GRAP2: variants seen among roughly 807,000 people sequenced by gnomAD.
The protein encoded by GRAP2 is GRB2 related adaptor protein 2.
In GRAP2, 31 loss-of-function variants were observed where a neutral mutation model predicts 43.5. The ratio of observed to expected loss-of-function variants is 0.71; its 90% CI spans 0.54 to 0.96. The LOEUF (loss-of-function observed/expected upper bound fraction) is 0.96, where lower values mean the gene tolerates loss of function less well. GRAP2 is among the 40% of genes least tolerant of loss of function. The pLI is 0.00. For synonymous variants in GRAP2, 156 were observed against 164.8 expected, an observed-to-expected ratio of 0.95 and a Z score of 0.41; for missense variants, 371 against 424.4, an observed-to-expected ratio of 0.87 and a Z score of 1.11.
At chr22:39,961,527 G>C (rs150622835) in intron 4 of GRAP2, among the ~76,000 whole-genome samples, 2 of 152,182 alleles carry the variant, frequency 1.3e-5, no homozygotes, top group African/African-American at 4.8e-5. Flanking sequence ...GGCCAGGAGT[G>C]GGGGAGGACT....
chr22:39,929,229 A>T (rs1181885154), intron 1 of GRAP2, among the ~76,000 whole-genome samples: 1 of 152,116 alleles, frequency 6.6e-6, no homozygotes, highest in Non-Finnish European at 1.5e-5. Flanking sequence ...AGTACAGGGG[A>T]CCTCTGTACT....
the GRAP2 span, among the ~76,000 whole-genome samples, chr22:39,894,292 T>C: frequency 6.6e-6 from 1 of 151,896 alleles, no homozygotes; most frequent in Non-Finnish European, 1.5e-5. Context: ...TTGGAAATCA[T>C]CATTCTCAGT....
Position 39,971,432 on chromosome 22 carries a change from C to A in GRAP2, c.*348C>A. On this transcript the variant is annotated 3_prime_UTR_variant, in exon 8 of 8. Coordinates refer to ENST00000344138, the MANE Select transcript of GRAP2 (RefSeq NM_004810.4). Reference sequence around the variant, plus strand: ...TCTTGGGAATTTTCACGGAGAACAGCTAAGCAGAGACCACACCTCGGCACT... The same window carrying A: ...TCTTGGGAATTTTCACGGAGAACAGATAAGCAGAGACCACACCTCGGCACT... 3.6e-6 allele frequency: 1 copy of A among 275,918 alleles called. No homozygotes were observed. The highest frequency in any genetic ancestry group is 6.7e-6 in the Non-Finnish European group (1 of 148,216). The allele number at this position is 275,918 out of a possible 1,614,324, so 17.1% of individuals were successfully genotyped here.
chr22:39,971,163 CTA>C lies in GRAP2; in HGVS notation c.*86_*87del. The C allele has an allele frequency of 9.4e-7, 1 of 1,058,976 alleles. No individual in the cohort carries two copies. Among genetic ancestry groups the C allele is most frequent in the Non-Finnish European group, 1.4e-6 (1 of 704,696 alleles). The allele number at this position is 1,058,976 out of a possible 1,614,324, so 65.6% of individuals were successfully genotyped here. A position where few individuals can be genotyped will look rare whatever the true frequency, so the allele number is the denominator to read the frequency against. On this transcript the variant is annotated 3_prime_UTR_variant, in exon 8 of 8. Transcript: ENST00000344138. The stretch of plus-strand genomic sequence containing the variant: ...AAGGAAAAAAGGCTGGACTCCATGA[CTA>C]TATATACATACATCTATCTACATCT...
At chr22:39,950,854 C>T (rs1485897655) in intron 2 of GRAP2, among the ~76,000 whole-genome samples, 1 of 152,214 alleles carries the variant, frequency 6.6e-6, no homozygotes, top group Non-Finnish European at 1.5e-5. Context: ...ATGTCTGCCC[C>T]CCACCTTCCT....
At chr22:39,963,722 T>C (rs1333969815) in intron 4 of GRAP2, among the ~76,000 whole-genome samples, 2 of 152,144 alleles carry the variant, frequency 1.3e-5, no homozygotes, top group Non-Finnish European at 2.9e-5. Flanking sequence ...AATCCATCCC[T>C]AAGAAACCTC....
At chr22:39,951,834 A>G (rs1002797555) in intron 2 of GRAP2, among the ~76,000 whole-genome samples, 1 of 152,090 alleles carries the variant, frequency 6.6e-6, no homozygotes, top group African/African-American at 2.4e-5. Flanking sequence ...CACCTTCTAT[A>G]CATGGTAAAG....
At chr22:39,956,449 G>T (rs1407084309) in intron 3 of GRAP2, among the ~76,000 whole-genome samples, 1 of 146,736 alleles carries the variant, frequency 6.8e-6, no homozygotes, top group African/African-American at 2.5e-5. Flanking sequence ...GAACCACCAT[G>T]CCTGGCCTAT....
chr22:39,933,257 T>C (rs1461955708), intron 1 of GRAP2, among the ~76,000 whole-genome samples: 1 of 152,226 alleles, frequency 6.6e-6, no homozygotes, highest in Non-Finnish European at 1.5e-5. Context: ...CCTGAGGCCT[T>C]TATGCAGTGA....
chr22:39,918,631 G>T (rs938716581), intron 1 of GRAP2, among the ~76,000 whole-genome samples: 1 of 152,146 alleles, frequency 6.6e-6, no homozygotes, highest in Admixed American at 6.5e-5. Context: ...GTATTAATTA[G>T]CTTCCCAGTG....
upstream of GRAP2, among the ~76,000 whole-genome samples, chr22:39,900,907 G>A (rs1021344504): frequency 2.6e-5 from 4 of 152,202 alleles, no homozygotes; most frequent in African/African-American, 9.7e-5. Context: ...GTGAACACAA[G>A]TGTTCAGGGG....
chr22:39,909,567 A>C (rs1183785114), intron 1 of GRAP2, among the ~76,000 whole-genome samples: 1 of 152,192 alleles, frequency 6.6e-6, no homozygotes, highest in Non-Finnish European at 1.5e-5. Flanking sequence ...TGTCTGCAGA[A>C]ATTCACTCAG....
At chr22:39,907,525 G>T (rs560539232) in intron 1 of GRAP2, among the ~76,000 whole-genome samples, 4 of 152,238 alleles carry the variant, frequency 2.6e-5, no homozygotes, top group African/African-American at 9.6e-5. Flanking sequence ...TTGCTTGAGC[G>T]CAGGAGATTG....
Position 39,901,128 on chromosome 22 carries a change from G to GGTGGGGA in GRAP2, c.-215_-209dup. The GGTGGGGA allele has an allele frequency of 2.4e-6, 1 of 422,216 alleles. No homozygotes were observed. 26.2% of individuals were successfully genotyped at this position (422,216 alleles called of 1,614,324 possible). A position where few individuals can be genotyped will look rare whatever the true frequency, so the allele number is the denominator to read the frequency against. ...GGTTAGTTTGGAGGAGGGAGTAAGA[G>GGTGGGGA]GTGGGGAGGAGGAGGCACAGTTAAT... On this transcript the variant is annotated 5_prime_UTR_variant, in exon 1 of 8. Transcript: ENST00000344138.
At position 39,968,303 on chromosome 22, in the gene GRAP2, C is replaced by T. The variant is rs200589861; in HGVS notation, c.690+31C>T. The stretch of plus-strand genomic sequence containing the variant: ...TGGAAAGAAGGCAGTGGGCACAGTA[C>T]GGTGGAAAGGAGAACCTGCCTCCCC... On this transcript the variant is annotated intron_variant, in intron 6 of 7. Coordinates refer to ENST00000344138, the MANE Select transcript of GRAP2 (RefSeq NM_004810.4). 1.7e-4 allele frequency: 271 copies of T among 1,602,732 alleles called. No individual in the cohort carries two copies. The East Asian group carries it at 1.8e-3, about 11-fold the overall frequency.
intron 4 of GRAP2, chr22:39,960,722 T>C (rs995561571): frequency 6.5e-6 from 1 of 153,532 alleles, no homozygotes; most frequent in African/African-American, 2.4e-5. Flanking sequence ...CAGCTGACAC[T>C]CCTACAAGAC....
intron 1 of GRAP2, among the ~76,000 whole-genome samples, chr22:39,939,992 G>A (rs560344671): frequency 6.6e-6 from 1 of 152,238 alleles, no homozygotes; most frequent in South Asian, 2.1e-4. Context: ...AGCACTGGTG[G>A]GGGGCCCAGG....
intron 6 of GRAP2, chr22:39,968,573 A>G: frequency 4.3e-6 from 2 of 462,876 alleles, no homozygotes; most frequent in South Asian, 4.3e-5. Flanking sequence ...TATCAGCACA[A>G]TTCCAAATCT....
intron 1 of GRAP2, among the ~76,000 whole-genome samples, chr22:39,932,216 A>G (rs559166607): frequency 2.0e-5 from 3 of 152,284 alleles, no homozygotes; most frequent in African/African-American, 7.2e-5. Flanking sequence ...CCACTTTGAG[A>G]TTTCTGTGGA....
Sources: allele counts gnomAD v4.1 joint callset (sites outside exome capture counted in the v4.1 genomes callset), GRCh38; gene constraint gnomAD v4.1.1; transcripts MANE v1.5; gene names NCBI Gene and HGNC (gene_info 2026-07-23, HGNC 2026-07-21).